The following ERVFRD-1 variants were observed in gnomAD, a reference collection of about 807,000 sequenced individuals.
ERVFRD-1 encodes endogenous retrovirus group FRD member 1, envelope.
ERVFRD-1 carries 33 observed loss-of-function variants against 43.8 expected under a neutral mutation model. The observed-to-expected ratio is 0.75, with a 90% CI of 0.57 to 1.01. The LOEUF is 1.01. Ranked by LOEUF, ERVFRD-1 falls within the 50% of genes least tolerant of loss-of-function variation. ERVFRD-1 has a pLI of 0.00. For missense variants in ERVFRD-1, 568 were observed against 658.4 expected (o/e 0.86, Z 1.50); for synonymous variants, 239 against 244.4 (o/e 0.98, Z 0.21).
intron 1 of ERVFRD-1, 181 bp from the exon 2 acceptor site, chr6:11,105,811 A>T (rs899323738): frequency 1.4e-4 from 21 of 155,152 alleles, no homozygotes; most frequent in Admixed American, 1.0e-3. Context: ...AGAGCCTGTT[A>T]GAAGCCTGCT....
In ERVFRD-1 at chr6:11,103,590, T is replaced by C; in HGVS notation, c.*104A>G. On this transcript the variant is annotated 3_prime_UTR_variant, in exon 2 of 2. Coordinates refer to ENST00000472091, the MANE Select transcript of ERVFRD-1 (RefSeq NM_207582.3). ...CCTCTTGCTAGCTGTCAGGGCAGGA[T>C]GGCTCTGTGGATTGGCAAAAACCAT... The C allele has an allele frequency of 1.4e-6, 2 of 1,444,748 alleles. No individual in the cohort carries two copies. The highest frequency in any genetic ancestry group is 1.8e-6 in the Non-Finnish European group (2 of 1,099,778). 89.5% of individuals were successfully genotyped at this position (1,444,748 alleles called of 1,614,324 possible).
chr6:11,103,867 A>G lies in ERVFRD-1; in HGVS notation c.1444T>C (p.Trp482Arg), dbSNP rs1013245102. The G allele has an allele frequency of 1.2e-5, 19 of 1,551,616 alleles. No homozygotes were observed. Among genetic ancestry groups the G allele is most frequent in the Non-Finnish European group, 1.6e-5 (18 of 1,147,004 alleles). The change falls in exon 2 of 2, where the codon TGG becomes CGG. Residue 482 changes from tryptophan to arginine, a missense_variant. Transcript: ENST00000472091. The stretch of plus-strand genomic sequence containing the variant: ...AGTGGGCCTGTAAGGGGAAGAACCC[A>G]AGAGAACCATTTCCAAGTTCCTTCC... ...NWEGTWKWFS[W>R]VLPLTGPLVS...
At chr6:11,109,994 C>G (rs1758144325) in intron 1 of ERVFRD-1, among the ~76,000 whole-genome samples, 1 of 152,220 alleles carries the variant, frequency 6.6e-6, no homozygotes, top group Non-Finnish European at 1.5e-5. Context: ...CCCATTCATT[C>G]TAGGGGTTCC....
rs1248511802 is a variant in ERVFRD-1 at position 11,103,328 on chromosome 6, CATT to C, written c.*363_*365del. The C allele has an allele frequency of 5.1e-6, 1 of 197,520 alleles. No individual in the cohort carries two copies. The highest frequency in any genetic ancestry group is 1.0e-5 in the Non-Finnish European group (1 of 96,878). The allele number at this position is 197,520 out of a possible 1,614,324, so 12.2% of individuals were successfully genotyped here. A position where few individuals can be genotyped will look rare whatever the true frequency, so the allele number is the denominator to read the frequency against. ...TCGTTCCCTGGCGCCAGCTGCCACT[CATT>C]ATTATGTTAGAGACACAGCTTAACA... On this transcript the variant is annotated 3_prime_UTR_variant, in exon 2 of 2. Coordinates refer to ENST00000472091, the MANE Select transcript of ERVFRD-1 (RefSeq NM_207582.3).
intron 1 of ERVFRD-1, among the ~76,000 whole-genome samples, chr6:11,109,939 G>T (rs1470591791): frequency 1.3e-5 from 2 of 152,084 alleles, no homozygotes; most frequent in Non-Finnish European, 1.5e-5. Context: ...AGTGGGTAGG[G>T]CATTACCCCA....
Position 11,105,408 on chromosome 6 carries a change from GC to G in ERVFRD-1, c.-99del. The stretch of plus-strand genomic sequence containing the variant: ...AATAGTGATAACAATCAGAGCAATT[GC>G]CAGTAAAATTTCTAGTATTGGGATC... On this transcript the variant is annotated 5_prime_UTR_variant, in exon 2 of 2. Coordinates refer to ENST00000472091, the MANE Select transcript of ERVFRD-1 (RefSeq NM_207582.3). 1.1e-6 allele frequency: 1 copy of G among 886,782 alleles called. No homozygotes were observed. The highest frequency in any genetic ancestry group is 1.7e-6 in the Non-Finnish European group (1 of 582,380). 54.9% of individuals were successfully genotyped at this position (886,782 alleles called of 1,614,324 possible).
At chr6:11,110,230 C>T (rs2113649851) in intron 1 of ERVFRD-1, among the ~76,000 whole-genome samples, 1 of 152,306 alleles carries the variant, frequency 6.6e-6, no homozygotes, top group South Asian at 2.1e-4. Flanking sequence ...ACCCTGATCC[C>T]ATCCCATTTC....
chr6:11,104,861 A>C lies in ERVFRD-1; in HGVS notation c.450T>G (p.Thr150=), dbSNP rs144698959. Residue 150 remains threonine, a synonymous_variant, in exon 2 of 2, where the codon ACT becomes ACG. Coordinates refer to ENST00000472091, the MANE Select transcript of ERVFRD-1 (RefSeq NM_207582.3). ...GGTAAGTCTGTTGGTTAGAATCTACAGTGAAAGTAACATTACAGACTGTAC... is the reference window on the plus strand; with the variant it reads ...GGTAAGTCTGTTGGTTAGAATCTACCGTGAAAGTAACATTACAGACTGTAC... ...LPSTVCNVTF[T]VDSNQQTYQT... is the part of the protein sequence containing the mutation. 2 of 1,614,242 alleles carry C rather than the reference A, an allele frequency of 1.2e-6. No individual in the cohort carries two copies. The highest frequency in any genetic ancestry group is 1.7e-6 in the Non-Finnish European group (2 of 1,180,048).
chr6:11,109,969 C>T (rs879897632), intron 1 of ERVFRD-1, among the ~76,000 whole-genome samples: 5 of 152,196 alleles, frequency 3.3e-5, no homozygotes, highest in Admixed American at 6.5e-5. Context: ...TTTTCCTTTG[C>T]GTATGGCAGT....
Position 11,104,652 on chromosome 6 carries a change from T to C in ERVFRD-1, c.659A>G (p.Asn220Ser). The change falls in exon 2 of 2, where the codon AAC (asparagine) becomes AGC (serine). Residue 220 changes from asparagine (N) to serine (S), a missense_variant. Coordinates refer to ENST00000472091, the MANE Select transcript of ERVFRD-1 (RefSeq NM_207582.3). The part of the protein sequence containing the change: ...ADYNQCLQIS[N>S]LSSTAEWVLL... ...AACCCATTCCGCTGTAGAGCTGAGG[T>C]TGGAAATTTGCAGACATTGGTTATA... is the stretch of plus-strand genomic sequence containing the variant. The C allele has an allele frequency of 1.2e-6, 2 of 1,614,204 alleles. No homozygotes were observed. The highest frequency in any genetic ancestry group is 8.5e-7 in the Non-Finnish European group (1 of 1,180,040).
chr6:11,105,079 A>G lies in ERVFRD-1; in HGVS notation c.232T>C (p.Trp78Arg). 3 of 1,614,210 alleles carry G rather than the reference A, an allele frequency of 1.9e-6. No homozygotes were observed. The highest frequency in any genetic ancestry group is 2.5e-6 in the Non-Finnish European group (3 of 1,180,030). Residue 78 changes from tryptophan to arginine, a missense_variant, in exon 2 of 2, where the codon TGG (tryptophan) becomes CGG (arginine). Transcript: ENST00000472091. ...ATCAGTCCTTTCAGATTAGGGTCCC[A>G]TCGATAGGAAATATGTAATTCCGCC... Reference protein sequence around the residue: ...IEAELHISYRWDPNLKGLMRP... With the variant: ...IEAELHISYRRDPNLKGLMRP...
chr6:11,104,302 T>C lies in ERVFRD-1; in HGVS notation c.1009A>G (p.Ile337Val), dbSNP rs947031710. The change falls in exon 2 of 2, where the codon ATA becomes GTA. Residue 337 changes from isoleucine (I) to valine (V), a missense_variant. Coordinates refer to ENST00000472091, the MANE Select transcript of ERVFRD-1 (RefSeq NM_207582.3). ...AACGGGGAATTCCCATAGATTGGTA[T>C]TGGAAGAGAGAGATTGCCAGGGGCT... ...FIAPGNLSLP[I>V]PIYGNSPLPR... 1 of 1,551,550 alleles carries C rather than the reference T, an allele frequency of 6.4e-7. No homozygotes were observed. Among genetic ancestry groups the C allele is most frequent in the African/African-American group, 1.4e-5 (1 of 73,024 alleles).
At chr6:11,110,450 T>A (rs1758150465) in intron 1 of ERVFRD-1, among the ~76,000 whole-genome samples, 1 of 152,192 alleles carries the variant, frequency 6.6e-6, no homozygotes, top group South Asian at 2.1e-4. Context: ...TCATTTCCCA[T>A]GTTCTTTAAG....
chr6:11,109,445 TG>T (rs1450970536), intron 1 of ERVFRD-1, among the ~76,000 whole-genome samples: 1 of 151,990 alleles, frequency 6.6e-6, no homozygotes, highest in Non-Finnish European at 1.5e-5. Context: ...TCGATATAAT[TG>T]GGTAGAAGGG....
chr6:11,108,804 G>C (rs1238493891), intron 1 of ERVFRD-1, among the ~76,000 whole-genome samples: 1 of 152,188 alleles, frequency 6.6e-6, no homozygotes, highest in Non-Finnish European at 1.5e-5. Context: ...GGTGTTGTTT[G>C]AGTTAGGGAA....
At chr6:11,107,122 G>GT (rs1758098231) in intron 1 of ERVFRD-1, among the ~76,000 whole-genome samples, 1 of 152,258 alleles carries the variant, frequency 6.6e-6, no homozygotes, top group South Asian at 2.1e-4. Context: ...CCTGAAAACC[G>GT]TATGTCATGT....
At chr6:11,105,662 G>A in intron 1 of ERVFRD-1, 32 bp from the exon 2 acceptor site, 1 of 203,048 alleles carries the variant, frequency 4.9e-6, no homozygotes, top group Non-Finnish European at 1.1e-5. Context: ...TGGTGAAGGG[G>A]CCCTTTCAAA....
chr6:11,110,823 C>A (rs1758155598), intron 1 of ERVFRD-1, among the ~76,000 whole-genome samples: 1 of 152,164 alleles, frequency 6.6e-6, no homozygotes, highest in African/African-American at 2.4e-5. Flanking sequence ...TAAGACCCTG[C>A]AAACGGCAGA....
rs760124620 is a variant in ERVFRD-1, at chr6:11,104,421, G to C, written c.890C>G (p.Ala297Gly). ...AATCGACTGGCCACAAATATAAAAGGCTCCTTGAGTTTTAAGGCATGTAGA... is the reference window on the plus strand; with the variant it reads ...AATCGACTGGCCACAAATATAAAAGCCTCCTTGAGTTTTAAGGCATGTAGA... Reference protein sequence around the residue: ...HISTCLKTQGAFYICGQSIHQ... With the variant: ...HISTCLKTQGGFYICGQSIHQ... The change falls in exon 2 of 2, where the codon GCC (alanine) becomes GGC (glycine). Residue 297 changes from alanine (A) to glycine (G), a missense_variant. Coordinates refer to ENST00000472091, the MANE Select transcript of ERVFRD-1 (RefSeq NM_207582.3). The C allele has an allele frequency of 8.4e-6, 13 of 1,551,676 alleles. No homozygotes were observed. Among genetic ancestry groups the C allele is most frequent in the African/African-American group, 1.4e-5 (1 of 73,164 alleles).
Sources: allele counts gnomAD v4.1 joint callset (sites outside exome capture counted in the v4.1 genomes callset), GRCh38; gene constraint gnomAD v4.1.1; transcripts MANE v1.5; gene names NCBI Gene and HGNC (gene_info 2026-07-23, HGNC 2026-07-21).